Variants in TRMT61B observed in about 807,000 individuals in gnomAD.
TRMT61B encodes the protein tRNA methyltransferase 61B.
TRMT61B carries 56 observed loss-of-function variants against 52.0 expected under a neutral mutation model. That is an observed-to-expected ratio of 1.08 (90% CI 0.87 to 1.35). The LOEUF (loss-of-function observed/expected upper bound fraction) is 1.35. Ranked by LOEUF, TRMT61B falls within the 40% of genes most tolerant of loss-of-function variation. The pLI is 0.00. For missense variants in TRMT61B, 650 were observed against 577.9 expected (o/e 1.12, Z -1.28); for synonymous variants, 206 against 220.0 (o/e 0.94, Z 0.56).
At chr2:28,861,573 G>A in intron 2 of TRMT61B, 1 of 396,424 alleles carries the variant, frequency 2.5e-6, no homozygotes, top group South Asian at 3.4e-5. Flanking sequence ...AATACACACT[G>A]TGGTGTATTA....
At chr2:28,868,111 T>A (rs1364311316) in intron 1 of TRMT61B, among the ~76,000 whole-genome samples, 1 of 152,156 alleles carries the variant, frequency 6.6e-6, no homozygotes, top group Non-Finnish European at 1.5e-5. Flanking sequence ...GTTTTTTTAG[T>A]CCCTGGGTAG....
intron 3 of TRMT61B, among the ~76,000 whole-genome samples, chr2:28,859,579 C>T (rs147312658): frequency 4.2e-4 from 64 of 152,104 alleles, no homozygotes; most frequent in African/African-American, 1.5e-3. Context: ...GTATATAACT[C>T]TCCCCCAGCA....
chr2:28,858,277 T>A (rs1002053337), intron 3 of TRMT61B, among the ~76,000 whole-genome samples: 6 of 152,090 alleles, frequency 3.9e-5, no homozygotes, highest in African/African-American at 1.4e-4. Flanking sequence ...CCTGGCCTTG[T>A]GATCTGCCCG....
chr2:28,855,787 G>A (rs1669316975), intron 3 of TRMT61B, among the ~76,000 whole-genome samples: 1 of 152,148 alleles, frequency 6.6e-6, no homozygotes, highest in Non-Finnish European at 1.5e-5. Flanking sequence ...TGGCCAACAT[G>A]GTGAAACCCT....
chr2:28,854,859 G>A (rs140893595), intron 3 of TRMT61B, among the ~76,000 whole-genome samples: 6 of 151,494 alleles, frequency 4.0e-5, no homozygotes, highest in African/African-American at 1.2e-4. Flanking sequence ...AATCAAGGCT[G>A]CAGTGAGCTG....
chr2:28,857,715 G>A (rs1231983514), intron 3 of TRMT61B, among the ~76,000 whole-genome samples: 4 of 152,048 alleles, frequency 2.6e-5, no homozygotes, highest in Non-Finnish European at 5.9e-5. Context: ...GCCCGGCAGT[G>A]GACCAATCTG....
chr2:28,862,204 CAAA>C (rs66527180), intron 2 of TRMT61B, among the ~76,000 whole-genome samples: 4 of 65,452 alleles, frequency 6.1e-5, no homozygotes, highest in Non-Finnish European at 1.1e-4. Flanking sequence ...GACTCCGTCT[CAAA>C]AAAAAAAAAA....
intron 4 of TRMT61B, 40 bp downstream of exon 4, chr2:28,852,368 T>TA (rs943173095): frequency 3.4e-5 from 42 of 1,251,808 alleles, no homozygotes; most frequent in Non-Finnish European, 4.7e-5. Flanking sequence ...AAAGTGCACT[T>TA]AAAAGTTACA....
intron 5 of TRMT61B, 133 bp from the exon 6 acceptor site, chr2:28,850,538 G>A: frequency 3.2e-6 from 2 of 617,430 alleles, no homozygotes; most frequent in Non-Finnish European, 2.8e-6. Flanking sequence ...ATGTTTTAGA[G>A]CTACTCTGCC....
In TRMT61B at chr2:28,849,911, T is replaced by G. The variant is rs1293711658; in HGVS notation, c.*288A>C. ...CTAATTTCTTGAAGAAAGACAAATC[T>G]ATGGAGTGGTTTACAGGAAGTGAAG... On this transcript the variant is annotated 3_prime_UTR_variant, in exon 7 of 7. Coordinates refer to ENST00000306108, the MANE Select transcript of TRMT61B (RefSeq NM_017910.4). 1.9e-6 allele frequency: 3 copies of G among 1,595,968 alleles called. No individual in the cohort carries two copies. In the African/African-American group the frequency reaches 4.1e-5, roughly 22 times the overall value.
intron 3 of TRMT61B, among the ~76,000 whole-genome samples, chr2:28,853,736 T>C (rs1669220589): frequency 1.3e-5 from 2 of 152,172 alleles, no homozygotes; most frequent in East Asian, 3.9e-4. Context: ...CTGGGAAGGC[T>C]GAGGCAGGAC....
In TRMT61B at chr2:28,865,036, G is replaced by T; in HGVS notation, c.783C>A (p.Ser261Arg). The stretch of plus-strand genomic sequence containing the variant: ...TCTTACCTGCTTTGGATAAAAATAA[G>T]CTCATTCCACCAGAGCCTGAGCCAG... Reference protein sequence around the residue: ...LEAGSGSGGMSLFLSKAVGSQ... With the variant: ...LEAGSGSGGMRLFLSKAVGSQ... Residue 261 changes from serine (S) to arginine (R), a missense_variant, in exon 2 of 7, where the codon AGC becomes AGA. Transcript: ENST00000306108. The T allele has an allele frequency of 6.2e-7, 1 of 1,611,334 alleles. No individual in the cohort carries two copies. The highest frequency in any genetic ancestry group is 8.5e-7 in the Non-Finnish European group (1 of 1,177,702).
At chr2:28,859,365 G>A (rs976010233) in intron 3 of TRMT61B, among the ~76,000 whole-genome samples, 1 of 152,200 alleles carries the variant, frequency 6.6e-6, no homozygotes, top group Non-Finnish European at 1.5e-5. Flanking sequence ...ACAGGCGTGA[G>A]CCACTGTGCC....
At chr2:28,869,538 C>T (rs778831887) in intron 1 of TRMT61B, 41 bp downstream of exon 1, 19 of 1,416,270 alleles carry the variant, frequency 1.3e-5, no homozygotes, top group African/African-American at 7.1e-5. Context: ...CTGTCTTTGC[C>T]CCTCCTGAAA....
At chr2:28,852,020 ATGAATATTTT>A (rs1669128846) in intron 4 of TRMT61B, among the ~76,000 whole-genome samples, 1 of 151,740 alleles carries the variant, frequency 6.6e-6, no homozygotes, top group African/African-American at 2.4e-5. Flanking sequence ...CAGTTACAAA[ATGAATATTTT>A]GGCTGGGCGT....
At chr2:28,851,415 G>C (rs917975003) in intron 4 of TRMT61B, 117 bp from the exon 5 acceptor site, 2 of 671,482 alleles carry the variant, frequency 3.0e-6, no homozygotes, top group Non-Finnish European at 4.7e-6. Flanking sequence ...GCAGGAGAGG[G>C]TTTAAATATG....
At chr2:28,864,803 AAAAC>A (rs1432972297) in intron 2 of TRMT61B, among the ~76,000 whole-genome samples, 2 of 152,254 alleles carry the variant, frequency 1.3e-5, no homozygotes, top group Admixed American at 1.3e-4. Flanking sequence ...TGGAGAAAGT[AAAAC>A]AAAGCAAAGA....
intron 5 of TRMT61B, chr2:28,850,630 A>C (rs113078614): frequency 2.3e-6 from 1 of 434,150 alleles, no homozygotes; most frequent in Non-Finnish European, 4.0e-6. Flanking sequence ...CTATATCATA[A>C]ATCAACTGAT....
intron 2 of TRMT61B, chr2:28,861,842 A>C (rs2148139804): frequency 6.6e-6 from 1 of 152,388 alleles, no homozygotes; most frequent in Non-Finnish European, 1.5e-5. Context: ...GAATTTATTC[A>C]CATAATATTA....
Sources: gnomAD v4.1 joint callset for allele counts (sites outside exome capture counted in the v4.1 genomes callset) on GRCh38, gnomAD v4.1.1 for gene constraint, MANE v1.5 for transcripts, NCBI Gene and HGNC (gene_info 2026-07-23, HGNC 2026-07-21) for gene names.